NBAS: variants seen among roughly 807,000 people sequenced by gnomAD.
The protein encoded by NBAS is NBAS subunit of NRZ tethering complex, also known as NAG/BC035112 fusion.
A neutral mutation model predicts 302.5 loss-of-function variants in NBAS; 219 were observed. That is an observed-to-expected ratio of 0.72 (90% CI 0.65 to 0.81). NBAS has a LOEUF of 0.81. NBAS is among the 30% of genes least tolerant of loss of function. The pLI is 0.00. For synonymous variants in NBAS, 1,118 were observed against 1,021.6 expected (o/e 1.09, Z -1.80); for missense variants, 2,932 against 2,841.6 (o/e 1.03, Z -0.72).
intron 11 of NBAS, among the ~76,000 whole-genome samples, chr2:15,493,820 CA>C (rs1680961143): frequency 6.9e-6 from 1 of 145,314 alleles, no homozygotes; most frequent in Admixed American, 7.2e-5. Context: ...TATGTAGCTG[CA>C]ATTTTCTCTT....
the NBAS span, among the ~76,000 whole-genome samples, chr2:14,920,303 C>T: frequency 6.6e-6 from 1 of 152,130 alleles, no homozygotes; most frequent in African/African-American, 2.4e-5. Context: ...ATTCAGCAAA[C>T]CATGCAGTAA....
At chr2:15,113,320 CGTGTGT>C in the NBAS span, among the ~76,000 whole-genome samples, 372 of 129,942 alleles carry the variant, frequency 2.9e-3, 2 homozygotes, top group African/African-American at 8.8e-3. Flanking sequence ...GGTATGAACT[CGTGTGT>C]GTGTGTGTGT....
the NBAS span, among the ~76,000 whole-genome samples, chr2:15,084,593 C>T: frequency 1.3e-5 from 2 of 151,946 alleles, no homozygotes; most frequent in Non-Finnish European, 2.9e-5. Flanking sequence ...AACACTGATT[C>T]CAGAAGCTCT....
chr2:15,210,490 T>C (rs564549553), intron 48 of NBAS, among the ~76,000 whole-genome samples: 3 of 152,188 alleles, frequency 2.0e-5, no homozygotes, highest in Admixed American at 2.0e-4. Flanking sequence ...GACAAGAATA[T>C]GGAGAAAAAG....
intron 31 of NBAS, among the ~76,000 whole-genome samples, chr2:15,370,069 C>T (rs6754327): frequency 0.025 from 3,883 of 152,290 alleles, 166 homozygotes; most frequent in African/African-American, 0.088. Flanking sequence ...AGTAGGAGGA[C>T]AAGTAAGAGT....
chr2:15,106,957 C>G, the NBAS span, among the ~76,000 whole-genome samples: 6 of 152,032 alleles, frequency 3.9e-5, no homozygotes, highest in African/African-American at 1.4e-4. Context: ...GAGGTATTTG[C>G]ACATCAATTT....
the NBAS span, among the ~76,000 whole-genome samples, chr2:14,919,020 T>C: frequency 2.0e-5 from 3 of 151,968 alleles, no homozygotes; most frequent in African/African-American, 7.2e-5. Context: ...ACTGGGGAGA[T>C]GGCAGCACCA....
Position 15,238,681 on chromosome 2 carries a change from A to T in NBAS, c.5730T>A (p.Ser1910=). 2.0e-6 allele frequency: 3 copies of T among 1,514,622 alleles called. No homozygotes were observed. Among genetic ancestry groups the T allele is most frequent in the Non-Finnish European group, 2.6e-6 (3 of 1,141,022 alleles). The allele number at this position is 1,514,622 out of a possible 1,614,324, so 93.8% of individuals were successfully genotyped here. The change falls in exon 45 of 52, where the codon TCT becomes TCA. Residue 1910 remains serine (S), a synonymous_variant. Transcript: ENST00000281513. The stretch of plus-strand genomic sequence containing the variant: ...TAGTCATCTCTTTACGGGCTTCCAC[A>T]GACAGCTTAAAAAAAAGAATAGTGA... ...TFSPKAVTKL[S]VEARKEMTRK...
chr2:15,162,875 C>A (rs1036188061), downstream of NBAS, among the ~76,000 whole-genome samples: 1 of 152,228 alleles, frequency 6.6e-6, no homozygotes, highest in African/African-American at 2.4e-5. Flanking sequence ...TACTGAGCTG[C>A]TGCATTTGCA....
At chr2:15,118,187 G>A in the NBAS span, among the ~76,000 whole-genome samples, 2 of 152,206 alleles carry the variant, frequency 1.3e-5, no homozygotes, top group Non-Finnish European at 2.9e-5. Context: ...TGGAATCAGA[G>A]ACTATTGATC....
At chr2:15,109,037 C>T in the NBAS span, among the ~76,000 whole-genome samples, 3 of 152,160 alleles carry the variant, frequency 2.0e-5, no homozygotes, top group African/African-American at 7.2e-5. Flanking sequence ...GAGGAATTGG[C>T]CTGTATGGCA....
At chr2:15,180,108 A>G (rs553985959) in intron 50 of NBAS, 1 of 152,292 alleles carries the variant, frequency 6.6e-6, no homozygotes, top group East Asian at 1.9e-4. Flanking sequence ...GGAGAAGAAA[A>G]ACTCAAATTT....
the NBAS span, among the ~76,000 whole-genome samples, chr2:15,133,483 T>A: frequency 6.6e-6 from 1 of 152,178 alleles, no homozygotes; most frequent in African/African-American, 2.4e-5. Context: ...GGAAACTGTC[T>A]CATGTCTAAG....
intron 47 of NBAS, among the ~76,000 whole-genome samples, chr2:15,227,426 A>G (rs1054278803): frequency 3.3e-5 from 5 of 152,160 alleles, no homozygotes; most frequent in African/African-American, 9.6e-5. Context: ...CATAATACCC[A>G]AAGTGATTTA....
At chr2:15,396,950 T>A (rs1675893632) in intron 26 of NBAS, among the ~76,000 whole-genome samples, 1 of 152,190 alleles carries the variant, frequency 6.6e-6, no homozygotes, top group Admixed American at 6.5e-5. Context: ...CACATAATCA[T>A]CCCTTGTGCT....
At chr2:15,273,345 G>A (rs1233269468) in intron 44 of NBAS, among the ~76,000 whole-genome samples, 2 of 152,182 alleles carry the variant, frequency 1.3e-5, no homozygotes, top group Non-Finnish European at 2.9e-5. Context: ...CCCTGCTCTG[G>A]ACAAATCCCA....
downstream of NBAS, among the ~76,000 whole-genome samples, chr2:15,164,770 G>C (rs1663974236): frequency 6.6e-6 from 1 of 152,184 alleles, no homozygotes; most frequent in South Asian, 2.1e-4. Flanking sequence ...GCGTTCTAGA[G>C]AATTTTTCCA....
chr2:14,932,034 T>G, the NBAS span, among the ~76,000 whole-genome samples: 1 of 152,236 alleles, frequency 6.6e-6, no homozygotes, highest in African/African-American at 2.4e-5. Flanking sequence ...ATTATACGTA[T>G]CACCTTACAG....
the NBAS span, among the ~76,000 whole-genome samples, chr2:14,828,368 C>T: frequency 6.6e-6 from 1 of 151,956 alleles, no homozygotes; most frequent in Admixed American, 6.6e-5. Flanking sequence ...GAGGGAGCAG[C>T]CCATGAAAAA....
Sources: gnomAD v4.1 joint callset for allele counts (sites outside exome capture counted in the v4.1 genomes callset) on GRCh38, gnomAD v4.1.1 for gene constraint, MANE v1.5 for transcripts, NCBI Gene and HGNC (gene_info 2026-07-23, HGNC 2026-07-21) for gene names.